Variants in GALNT13 observed in about 807,000 individuals in gnomAD.
GALNT13 encodes polypeptide N-acetylgalactosaminyltransferase 13, also known as UDP-GalNAc:polypeptide N-acetylgalactosaminyltransferase 13.
A neutral mutation model predicts 64.2 loss-of-function variants in GALNT13; 28 were observed. The observed-to-expected ratio is 0.44, with a 90% CI of 0.32 to 0.60. GALNT13 has a LOEUF of 0.60. Ranked by LOEUF, GALNT13 falls within the 20% of genes least tolerant of loss-of-function variation. GALNT13 has a pLI of 0.05. For synonymous variants in GALNT13, 214 were observed against 224.6 expected, an observed-to-expected ratio of 0.95 and a Z score of 0.42; for missense variants, 577 against 669.8, an observed-to-expected ratio of 0.86 and a Z score of 1.53.
At chr2:154,362,242 C>T (rs1007889883) in intron 9 of GALNT13, among the ~76,000 whole-genome samples, 1 of 148,724 alleles carries the variant, frequency 6.7e-6, no homozygotes, top group African/African-American at 2.5e-5. Flanking sequence ...ATTCTACCCC[C>T]ACCCCCACCC....
At chr2:153,078,773 T>A in the GALNT13 span, among the ~76,000 whole-genome samples, 11 of 152,268 alleles carry the variant, frequency 7.2e-5, no homozygotes, top group East Asian at 2.1e-3. Context: ...TTTCAGAAAA[T>A]GTTCATCACT....
At chr2:154,197,389 A>T (rs1686935836) in intron 4 of GALNT13, among the ~76,000 whole-genome samples, 1 of 152,276 alleles carries the variant, frequency 6.6e-6, no homozygotes, top group South Asian at 2.1e-4. Flanking sequence ...GCCTAGGGCA[A>T]TGACCACGCA....
chr2:153,905,829 TC>T (rs935730832), intron 2 of GALNT13, among the ~76,000 whole-genome samples: 24 of 151,960 alleles, frequency 1.6e-4, no homozygotes, highest in African/African-American at 5.8e-4. Context: ...GTAATTTGGG[TC>T]CATTATTAAG....
the GALNT13 span, among the ~76,000 whole-genome samples, chr2:153,211,854 T>C: frequency 6.6e-6 from 1 of 152,316 alleles, no homozygotes; most frequent in South Asian, 2.1e-4. Context: ...GAGCTGGTTC[T>C]CTCTTCTGAG....
chr2:153,849,672 G>A, the GALNT13 span, among the ~76,000 whole-genome samples: 4 of 152,242 alleles, frequency 2.6e-5, no homozygotes, highest in African/African-American at 4.8e-5. Context: ...TTAGAACCCA[G>A]CAGCCTCCCT....
the GALNT13 span, among the ~76,000 whole-genome samples, chr2:153,313,130 C>T: frequency 6.6e-6 from 1 of 152,096 alleles, no homozygotes; most frequent in East Asian, 1.9e-4. Context: ...AACAGTGTGG[C>T]AATTCCTCAA....
At chr2:154,189,498 G>A (rs867599365) in intron 4 of GALNT13, among the ~76,000 whole-genome samples, 5 of 145,598 alleles carry the variant, frequency 3.4e-5, no homozygotes, top group South Asian at 2.2e-4. Flanking sequence ...AAAAAAAGGC[G>A]TGTGAGCATG....
At chr2:154,033,800 A>G (rs984873337) in intron 3 of GALNT13, among the ~76,000 whole-genome samples, 1 of 151,990 alleles carries the variant, frequency 6.6e-6, no homozygotes, top group Non-Finnish European at 1.5e-5. Context: ...TTAGCCAGGC[A>G]TGGTGGCAGG....
At chr2:153,334,681 A>C in the GALNT13 span, among the ~76,000 whole-genome samples, 1 of 152,286 alleles carries the variant, frequency 6.6e-6, no homozygotes, top group Non-Finnish European at 1.5e-5. Flanking sequence ...ATGTTCTATC[A>C]CTGTGAATTA....
chr2:154,313,415 G>GAA (rs1354380651), intron 9 of GALNT13, among the ~76,000 whole-genome samples: 9 of 4,542 alleles, frequency 2.0e-3, no homozygotes, highest in Non-Finnish European at 0.011. Flanking sequence ...ACACCCAGTA[G>GAA]AGATATATAT....
At chr2:153,852,007 A>G in the GALNT13 span, among the ~76,000 whole-genome samples, 1 of 152,176 alleles carries the variant, frequency 6.6e-6, no homozygotes, top group South Asian at 2.1e-4. Flanking sequence ...AACGATGTAT[A>G]CTATTAGCCT....
intron 1 of GALNT13, among the ~76,000 whole-genome samples, chr2:153,890,671 A>G (rs146170301): frequency 7.1e-4 from 108 of 152,168 alleles, no homozygotes; most frequent in Middle Eastern, 6.8e-3. Flanking sequence ...AGCAACAAAA[A>G]CAGAAGAGAA....
chr2:153,237,560 AT>A, the GALNT13 span, among the ~76,000 whole-genome samples: 1,864 of 152,156 alleles, frequency 0.012, 47 homozygotes, highest in African/African-American at 0.043. Context: ...GCTCCTACCA[AT>A]AATTGAGAAC....
chr2:154,287,982 T>C (rs934229478), intron 8 of GALNT13, among the ~76,000 whole-genome samples: 3 of 152,178 alleles, frequency 2.0e-5, no homozygotes, highest in African/African-American at 7.2e-5. Context: ...CAACCTGCTT[T>C]GCTTTTATTG....
rs1701957086 is a variant in GALNT13, at chr2:154,453,620, C to T, written c.*3069C>T. ...TTATTTCTGTCTATACTTCCCCCTC[C>T]CCAGCCCCAAACATGCCCATCACAT... On this transcript the variant is annotated 3_prime_UTR_variant, in exon 13 of 13. Transcript: ENST00000392825. 6.6e-6 allele frequency: 1 copy of T among 152,142 alleles called. No individual in the cohort carries two copies. Among genetic ancestry groups the T allele is most frequent in the Non-Finnish European group, 1.5e-5 (1 of 68,066 alleles). The allele number at this position is 152,142 out of a possible 1,614,324, so 9.4% of individuals were successfully genotyped here.
At chr2:153,550,984 G>T in the GALNT13 span, among the ~76,000 whole-genome samples, 5 of 152,118 alleles carry the variant, frequency 3.3e-5, no homozygotes, top group Non-Finnish European at 1.5e-5. Flanking sequence ...TAAGCTGAGG[G>T]TGGCTAGAGA....
chr2:153,897,397 C>T (rs1039130271), intron 1 of GALNT13, among the ~76,000 whole-genome samples: 1 of 152,030 alleles, frequency 6.6e-6, no homozygotes, highest in African/African-American at 2.4e-5. Context: ...TTCTGTTTTG[C>T]ATTTTTGACA....
chr2:154,180,406 G>T (rs1241475658), intron 4 of GALNT13, among the ~76,000 whole-genome samples: 2 of 150,684 alleles, frequency 1.3e-5, no homozygotes, highest in Non-Finnish European at 3.0e-5. Context: ...TTTTTGTCAG[G>T]CAGTTAAACA....
the GALNT13 span, among the ~76,000 whole-genome samples, chr2:153,216,459 T>C: frequency 1.3e-5 from 2 of 152,030 alleles, no homozygotes; most frequent in Admixed American, 6.5e-5. Flanking sequence ...CTCTGCATCC[T>C]CATCAGCATG....
Sources: gnomAD v4.1 joint callset for allele counts (sites outside exome capture counted in the v4.1 genomes callset) on GRCh38, gnomAD v4.1.1 for gene constraint, MANE v1.5 for transcripts, NCBI Gene and HGNC (gene_info 2026-07-23, HGNC 2026-07-21) for gene names.